The following SIRT7 variants were observed in gnomAD, a reference collection of about 807,000 sequenced individuals.
SIRT7 encodes the protein sirtuin 7, also known as NAD-dependent protein deacetylase sirtuin-7.
A neutral mutation model predicts 42.8 loss-of-function variants in SIRT7; 32 were observed. The observed-to-expected ratio is 0.75, with a 90% CI of 0.56 to 1.00. The LOEUF (loss-of-function observed/expected upper bound fraction) is 1.00, where lower values mean the gene tolerates loss of function less well. Among genes scored for constraint, SIRT7 ranks in the 50% least tolerant of loss-of-function variants. The pLI is 0.00. For synonymous variants in SIRT7, 297 were observed against 245.2 expected (o/e 1.21, Z -1.97); for missense variants, 553 against 572.2 (o/e 0.97, Z 0.34).
chr17:81,918,029 G>T lies in SIRT7; in HGVS notation c.93+10C>A. 2 of 1,459,732 alleles carry T rather than the reference G, an allele frequency of 1.4e-6. No individual in the cohort carries two copies. The highest frequency in any genetic ancestry group is 1.4e-5 in the South Asian group (1 of 73,530). The allele number at this position is 1,459,732 out of a possible 1,614,324, so 90.4% of individuals were successfully genotyped here. On this transcript the variant is annotated intron_variant, in intron 1 of 9. Transcript: ENST00000328666. ...GGGCATGGCCGGGCCGGGGAGCGGC[G>T]GCGGCGTACCTGGCGGAGGCGCTCC...
intron 5 of SIRT7, 44 bp from the exon 6 acceptor site, chr17:81,914,746 G>A: frequency 6.5e-7 from 1 of 1,529,040 alleles, no homozygotes; most frequent in Non-Finnish European, 9.0e-7. Context: ...GGCTGCCAGT[G>A]GTGGTGGGGA....
At position 81,912,442 on chromosome 17, in the gene SIRT7, G is replaced by C; in HGVS notation, c.1177C>G (p.Arg393Gly). The change falls in exon 10 of 10, where the codon CGC (arginine) becomes GGC (glycine). Residue 393 changes from arginine to glycine, a missense_variant. By Grantham distance (125) the Arg-to-Gly change is moderately radical (BLOSUM62 -2). Transcript: ENST00000328666. ...GGWFGRGCTK[R>G]TKRKKVT ...TACGTCACTTTCTTCCTTTTTGTGC[G>C]TTTTGTGCAGCCCCTGCCAAACCAG... The C allele has an allele frequency of 1.2e-6, 2 of 1,614,048 alleles. No homozygotes were observed.
intron 3 of SIRT7, chr17:81,917,381 C>G: frequency 2.4e-6 from 1 of 423,692 alleles, no homozygotes; most frequent in Non-Finnish European, 4.2e-6. Context: ...TCCACATAAC[C>G]TGGGGGTGCC....
Position 81,915,622 on chromosome 17 carries a change from C to A in SIRT7, c.396G>T (p.Gly132=), listed in dbSNP as rs1242683410. 3.1e-6 allele frequency: 5 copies of A among 1,613,930 alleles called. No individual in the cohort carries two copies. The East Asian group carries it at 8.9e-5, about 29-fold the overall frequency. Residue 132 remains glycine (G), a synonymous_variant, in exon 4 of 10, where the codon GGG becomes GGT. Coordinates refer to ENST00000328666, the MANE Select transcript of SIRT7 (RefSeq NM_016538.3). ...CCTGGCCCGCTTACCTAACGCTTCTCCCTTTCTGAAGCAGTGTCCACACTC... is the reference window on the plus strand; with the variant it reads ...CCTGGCCCGCTTACCTAACGCTTCTACCTTTCTGAAGCAGTGTCCACACTC... The part of the protein sequence containing the change: ...PNGVWTLLQK[G]RSVSAADLSE...
chr17:81,918,151 T>G lies in SIRT7; in HGVS notation c.-20A>C, dbSNP rs2143799377. The G allele has an allele frequency of 6.5e-7, 1 of 1,531,458 alleles. No individual in the cohort carries two copies. The highest frequency in any genetic ancestry group is 2.6e-5 in the East Asian group (1 of 38,252). The allele number at this position is 1,531,458 out of a possible 1,614,324, so 94.9% of individuals were successfully genotyped here. The stretch of plus-strand genomic sequence containing the variant: ...TGCCATCGCTCCCCTGGAGACCTGC[T>G]CTTCCGCTTCCGCCTCACACGGCAG... On this transcript the variant is annotated 5_prime_UTR_variant, in exon 1 of 10. Transcript: ENST00000328666.
At position 81,912,439 on chromosome 17, in the gene SIRT7, T is replaced by C. The variant is rs1255957601; in HGVS notation, c.1180A>G (p.Thr394Ala). 1.9e-6 allele frequency: 3 copies of C among 1,614,076 alleles called. No homozygotes were observed. The highest frequency in any genetic ancestry group is 2.5e-6 in the Non-Finnish European group (3 of 1,180,022). Residue 394 changes from threonine (T) to alanine (A), a missense_variant, in exon 10 of 10, where the codon ACA (threonine) becomes GCA (alanine). By Grantham distance (58) the Thr-to-Ala change is moderately conservative. Transcript: ENST00000328666. ...GATTACGTCACTTTCTTCCTTTTTG[T>C]GCGTTTTGTGCAGCCCCTGCCAAAC... is the stretch of plus-strand genomic sequence containing the variant. The part of the protein sequence containing the change: ...GWFGRGCTKR[T>A]KRKKVT
intron 5 of SIRT7, 171 bp from the exon 6 acceptor site, chr17:81,914,873 A>G: frequency 1.6e-6 from 1 of 610,654 alleles, no homozygotes; most frequent in Non-Finnish European, 2.9e-6. Context: ...AGGTCCAACC[A>G]CCAGGAGTCA....
intron 3 of SIRT7, 118 bp downstream of exon 3, chr17:81,917,497 G>A (rs2040827008): frequency 2.2e-6 from 2 of 895,394 alleles, no homozygotes; most frequent in Non-Finnish European, 3.2e-6. Context: ...CCTTAGGTAA[G>A]TTTTGGTCAT....
At chr17:81,914,914 T>G (rs1419121065) in intron 5 of SIRT7, 8 of 582,294 alleles carry the variant, frequency 1.4e-5, no homozygotes, top group Admixed American at 2.9e-5. Flanking sequence ...GGGCTGTCCT[T>G]CCTCCAGCCC....
At position 81,913,619 on chromosome 17, in the gene SIRT7, G is replaced by A; in HGVS notation, c.1004+155C>T. On this transcript the variant is annotated intron_variant, in intron 9 of 9. Coordinates refer to ENST00000328666, the MANE Select transcript of SIRT7 (RefSeq NM_016538.3). This position sits in a 1 kb window ranked among gnomAD's most constrained non-coding sequence, Gnocchi z 5.0. ...ACGCAGGGTCTCCGCCAACCACCGAGGTCAGGCCCTCTGGAGACCACCACG... is the reference window on the plus strand; with the variant it reads ...ACGCAGGGTCTCCGCCAACCACCGAAGTCAGGCCCTCTGGAGACCACCACG... 1 of 658,896 alleles carries A rather than the reference G, an allele frequency of 1.5e-6. No individual in the cohort carries two copies. The highest frequency in any genetic ancestry group is 4.2e-4 in the Middle Eastern group (1 of 2,398). The allele number at this position is 658,896 out of a possible 1,614,324, so 40.8% of individuals were successfully genotyped here.
Position 81,914,698 on chromosome 17 carries a change from T to C in SIRT7, c.485A>G (p.Gln162Arg). ...ITRLHEQKLV[Q>R]HVVSQNCDGL... ...GTCACAGTTCTGAGACACCACATGC[T>C]GCACCTGGAAGGCAGAACGGGTGGC... Residue 162 changes from glutamine (Q) to arginine (R), a missense_variant, in exon 6 of 10, where the codon CAG (glutamine) becomes CGG (arginine). Gln to Arg is a conservative substitution (Grantham distance 43). Coordinates refer to ENST00000328666, the MANE Select transcript of SIRT7 (RefSeq NM_016538.3). 1.2e-6 allele frequency: 2 copies of C among 1,612,442 alleles called. No homozygotes were observed. The highest frequency in any genetic ancestry group is 1.1e-5 in the South Asian group (1 of 91,082).
At chr17:81,916,001 GC>G (rs2040790311) in intron 3 of SIRT7, 2 of 389,762 alleles carry the variant, frequency 5.1e-6, no homozygotes, top group African/African-American at 4.1e-5. Flanking sequence ...CCTCCACACT[GC>G]AGGGGAAGAC....
intron 5 of SIRT7, 114 bp downstream of exon 5, chr17:81,915,326 G>T: frequency 8.3e-7 from 1 of 1,199,272 alleles, no homozygotes; most frequent in Non-Finnish European, 1.2e-6. Context: ...CTTGGTGGGT[G>T]CTCATCATGG....
At position 81,913,373 on chromosome 17, in the gene SIRT7, T is replaced by C. The variant is rs1377544567; in HGVS notation, c.1004+401A>G. 2.2e-6 allele frequency: 1 copy of C among 449,502 alleles called. No individual in the cohort carries two copies. Among genetic ancestry groups the C allele is most frequent in the Non-Finnish European group, 4.4e-6 (1 of 226,846 alleles). The allele number at this position is 449,502 out of a possible 1,614,324, so 27.8% of individuals were successfully genotyped here. A position where few individuals can be genotyped will look rare whatever the true frequency, so the allele number is the denominator to read the frequency against. The stretch of plus-strand genomic sequence containing the variant: ...GTCTAAATTATCACAAATTCTGTAT[T>C]AAGGCACAGTTTGTTTAAGCTTTCC... On this transcript the variant is annotated intron_variant, in intron 9 of 9. Coordinates refer to ENST00000328666, the MANE Select transcript of SIRT7 (RefSeq NM_016538.3). The surrounding 1 kb of genome is among the most constrained non-coding windows in gnomAD (Gnocchi z 5.0).
intron 3 of SIRT7, 75 bp downstream of exon 3, chr17:81,917,540 G>T: frequency 7.6e-7 from 1 of 1,321,084 alleles, no homozygotes; most frequent in Non-Finnish European, 1.0e-6. Flanking sequence ...CCTTAGAGCT[G>T]CTTTAAAGGC....
intron 1 of SIRT7, 30 bp from the exon 2 acceptor site, chr17:81,917,997 G>A (rs970684940): frequency 1.3e-5 from 18 of 1,340,410 alleles, no homozygotes; most frequent in Non-Finnish European, 9.5e-6. Flanking sequence ...GAGCGGCGGC[G>A]CGGGCCGGGC....
chr17:81,917,657 G>C lies in SIRT7; in HGVS notation c.294C>G (p.Asn98Lys), dbSNP rs746011931. 4.0e-5 allele frequency: 64 copies of C among 1,607,806 alleles called. No homozygotes were observed. The highest frequency in any genetic ancestry group is 5.3e-5 in the Non-Finnish European group (62 of 1,177,622). ...KVRELASAVR[N>K]AKYLVVYTGA... ...CTGTGTAGACGACCAAGTATTTGGCGTTCCGGACGGCGCTGGCCAGCTCCC... is the reference window on the plus strand; with the variant it reads ...CTGTGTAGACGACCAAGTATTTGGCCTTCCGGACGGCGCTGGCCAGCTCCC... The change falls in exon 3 of 10, where the codon AAC becomes AAG. Residue 98 changes from asparagine to lysine, a missense_variant. By Grantham distance (94) the Asn-to-Lys change is moderately conservative (BLOSUM62 0). Transcript: ENST00000328666.
intron 3 of SIRT7, chr17:81,916,651 G>C (rs1365443535): frequency 6.6e-6 from 1 of 152,156 alleles, no homozygotes; most frequent in East Asian, 1.9e-4. Context: ...ATTTTTAGTA[G>C]AGACAGGGTT....
In SIRT7 at chr17:81,917,711, G is replaced by A. The variant is rs1598344521; in HGVS notation, c.240C>T (p.Asp80=). The stretch of plus-strand genomic sequence containing the variant: ...CCTTCCCCCGCAGCTCCTCCGGGTC[G>A]TCGCACACCTGCCAAGACGCCAGGG... ...GLKRRQEEVC[D]DPEELRGKVR... Residue 80 remains aspartate, a synonymous_variant, in exon 3 of 10, where the codon GAC becomes GAT. Coordinates refer to ENST00000328666, the MANE Select transcript of SIRT7 (RefSeq NM_016538.3). 1.9e-6 allele frequency: 3 copies of A among 1,595,818 alleles called. No individual in the cohort carries two copies. The highest frequency in any genetic ancestry group is 2.3e-5 in the East Asian group (1 of 42,954).
Sources: gnomAD v4.1 joint callset for allele counts on GRCh38, gnomAD v4.1.1 for gene constraint, Gnocchi (gnomAD v3.1) non-coding constraint, MANE v1.5 for transcripts, NCBI Gene and HGNC (gene_info 2026-07-23, HGNC 2026-07-21) for gene names.